SMARCD1: variants seen among roughly 807,000 people sequenced by gnomAD.
The protein encoded by SMARCD1 is SWI/SNF-related matrix-associated actin-dependent regulator of chromatin subfamily D member 1.
In SMARCD1, 16 loss-of-function variants were observed where a neutral mutation model predicts 70.8. The ratio of observed to expected loss-of-function variants is 0.23; its 90% CI spans 0.15 to 0.34. The LOEUF is 0.34. Ranked by LOEUF, SMARCD1 falls within the 10% of genes least tolerant of loss-of-function variation. The pLI is 1.00. For missense variants in SMARCD1, 409 were observed against 655.5 expected (o/e 0.62, Z 4.11); for synonymous variants, 249 against 246.0 (o/e 1.01, Z -0.11).
At chr12:50,094,907 C>T (rs1444450901) in intron 10 of SMARCD1, among the ~76,000 whole-genome samples, 1 of 152,204 alleles carries the variant, frequency 6.6e-6, no homozygotes, top group Non-Finnish European at 1.5e-5. Context: ...AAGCGATTCT[C>T]CTGCCTCAGC....
At chr12:50,087,613 CTG>C in intron 5 of SMARCD1, 128 bp downstream of exon 5, 2 of 1,103,192 alleles carry the variant, frequency 1.8e-6, no homozygotes, top group Non-Finnish European at 2.6e-6. Context: ...GAGAGGGACA[CTG>C]TTCCCTGCAC....
intron 11 of SMARCD1, among the ~76,000 whole-genome samples, chr12:50,097,829 T>A: frequency 6.9e-6 from 1 of 144,140 alleles, no homozygotes; most frequent in Non-Finnish European, 1.5e-5. Context: ...AGGTAGAGGC[T>A]GCAGTGAGCC....
At chr12:50,086,990 G>T in intron 4 of SMARCD1, 112 bp downstream of exon 4, 1 of 1,105,074 alleles carries the variant, frequency 9.0e-7, no homozygotes, top group Admixed American at 2.2e-5. Flanking sequence ...CATTTAAATT[G>T]CATCTCTCCC....
At chr12:50,088,741 C>G in intron 6 of SMARCD1, 104 bp downstream of exon 6, 1 of 637,286 alleles carries the variant, frequency 1.6e-6, no homozygotes, top group Non-Finnish European at 2.8e-6. Context: ...AGTAGTCACT[C>G]TAGGTGTACA....
chr12:50,093,058 C>T (rs1287517691), intron 9 of SMARCD1, among the ~76,000 whole-genome samples: 1 of 151,806 alleles, frequency 6.6e-6, no homozygotes, highest in East Asian at 2.0e-4. Context: ...CGCCTGTAGT[C>T]CCAGCTACTT....
At chr12:50,085,598 GAC>G (rs1293993167) in intron 1 of SMARCD1, 52 bp downstream of exon 1, 7 of 1,021,250 alleles carry the variant, frequency 6.9e-6, no homozygotes, top group Middle Eastern at 4.3e-4. Flanking sequence ...GCCGAGCGGG[GAC>G]ATGGGAGTGA....
At chr12:50,085,717 C>G (rs1262274450) in intron 1 of SMARCD1, 171 bp downstream of exon 1, 2 of 490,532 alleles carry the variant, frequency 4.1e-6, no homozygotes, top group Admixed American at 8.8e-5. Context: ...CAGTTACACA[C>G]CTGCTCCTAG....
In SMARCD1 at chr12:50,089,908, G is replaced by A. The variant is rs1950825693; in HGVS notation, c.796G>A (p.Glu266Lys). The change falls in exon 7 of 13, where the codon GAG (glutamate) becomes AAG (lysine). Residue 266 changes from glutamate to lysine, a missense_variant. Glu to Lys is a moderately conservative substitution (Grantham distance 56). Coordinates refer to ENST00000394963, the MANE Select transcript of SMARCD1 (RefSeq NM_003076.5). ...VEWHRTATTQ[E>K]TDGFQVKRPG... ...GTGGCACAGGACCGCCACTACCCAG[G>A]AGACCGATGGCTTTCAGGTGAAGCG... 1.2e-6 allele frequency: 2 copies of A among 1,614,050 alleles called. No homozygotes were observed. Among genetic ancestry groups the A allele is most frequent in the African/African-American group, 1.3e-5 (1 of 74,914 alleles).
intron 9 of SMARCD1, among the ~76,000 whole-genome samples, chr12:50,091,639 T>C (rs951548797): frequency 1.3e-5 from 2 of 151,636 alleles, no homozygotes; most frequent in African/African-American, 4.9e-5. Flanking sequence ...TGCAATGGCA[T>C]GATCTCAGCT....
chr12:50,096,697 G>T, intron 10 of SMARCD1, 153 bp from the exon 11 acceptor site: 1 of 612,072 alleles, frequency 1.6e-6, no homozygotes. Context: ...AATGCCAAGG[G>T]TCGGAGCAGT....
At position 50,098,870 on chromosome 12, in the gene SMARCD1, CT is replaced by C. The variant is rs1292939116; in HGVS notation, c.1494+56del. 1.6e-5 allele frequency: 25 copies of C among 1,601,238 alleles called. No individual in the cohort carries two copies. The East Asian group carries it at 4.0e-4, about 26-fold the overall frequency. The stretch of plus-strand genomic sequence containing the variant: ...GACAAAAGGCACGGGGTTTTCACCC[CT>C]GATGGGGGTCAGTGGTGTTAGATAC... On this transcript the variant is annotated intron_variant, in intron 12 of 12. Transcript: ENST00000394963.
intron 9 of SMARCD1, among the ~76,000 whole-genome samples, chr12:50,090,804 A>G (rs1036295596): frequency 7.3e-6 from 1 of 136,906 alleles, no homozygotes; most frequent in African/African-American, 2.7e-5. Context: ...TAATTATTAC[A>G]TTTTATTGTA....
intron 9 of SMARCD1, among the ~76,000 whole-genome samples, chr12:50,092,513 C>A (rs1332831256): frequency 7.0e-6 from 1 of 143,454 alleles, no homozygotes; most frequent in East Asian, 2.0e-4. Context: ...TGAGCCACCA[C>A]ACCCGGTGGG....
At chr12:50,086,479 T>TTGGTGGTGGTAGTGGTAGTGGTGGTGG in intron 2 of SMARCD1, 131 bp downstream of exon 2, 2 of 780,056 alleles carry the variant, frequency 2.6e-6, no homozygotes, top group Admixed American at 2.5e-5. Flanking sequence ...TTGAGAATGC[T>TTGGTGGTGGTAGTGGTAGTGGTGGTGG]TGGTGGTGGT....
intron 7 of SMARCD1, 47 bp downstream of exon 7, chr12:50,090,032 C>G: frequency 6.8e-7 from 1 of 1,475,752 alleles, no homozygotes; most frequent in Non-Finnish European, 9.5e-7. Flanking sequence ...AGCCACATAC[C>G]GTCAGCAGTC....
intron 5 of SMARCD1, among the ~76,000 whole-genome samples, chr12:50,087,770 T>C (rs1020035874): frequency 6.6e-6 from 1 of 152,084 alleles, no homozygotes; most frequent in Non-Finnish European, 1.5e-5. Context: ...TATCTGTAGA[T>C]TATTTAGTTT....
At chr12:50,097,826 G>A (rs1205566238) in intron 11 of SMARCD1, among the ~76,000 whole-genome samples, 2 of 151,060 alleles carry the variant, frequency 1.3e-5, no homozygotes, top group Non-Finnish European at 2.9e-5. Context: ...GGGAGGTAGA[G>A]GCTGCAGTGA....
intron 6 of SMARCD1, 39 bp from the exon 7 acceptor site, chr12:50,089,845 C>T: frequency 8.0e-7 from 1 of 1,243,762 alleles, no homozygotes; most frequent in Non-Finnish European, 1.2e-6. Context: ...CCCAGCTCTT[C>T]CTCTGGGAGA....
In SMARCD1 at chr12:50,099,237, C is replaced by T; in HGVS notation, c.*237C>T. On this transcript the variant is annotated 3_prime_UTR_variant, in exon 13 of 13. Transcript: ENST00000394963. ...CAAAGTTCCCATGTGCCTGTACCCT[C>T]CCCTGGTCTACATAGGACCTCTAGA... 1 of 609,896 alleles carries T rather than the reference C, an allele frequency of 1.6e-6. No individual in the cohort carries two copies. The allele number at this position is 609,896 out of a possible 1,614,324, so 37.8% of individuals were successfully genotyped here.
Sources: gnomAD v4.1 joint callset for allele counts (sites outside exome capture counted in the v4.1 genomes callset) on GRCh38, gnomAD v4.1.1 for gene constraint, MANE v1.5 for transcripts, NCBI Gene and HGNC (gene_info 2026-07-23, HGNC 2026-07-21) for gene names.